Variants in PRR16 observed in about 807,000 individuals in gnomAD.
The protein encoded by PRR16 is protein Largen.
Under a neutral mutation model 18.2 loss-of-function variants are expected in PRR16, and 6 were observed. The ratio of observed to expected loss-of-function variants is 0.33; its 90% confidence interval spans 0.18 to 0.65. PRR16 has a LOEUF of 0.65. PRR16 is among the 30% of genes least tolerant of loss of function. The pLI is 0.74. For synonymous variants in PRR16, 151 were observed against 147.8 expected (o/e 1.02, Z -0.16); for missense variants, 412 against 376.6 (o/e 1.09, Z -0.78).
chr5:120,686,582 A>C lies in PRR16; in HGVS notation c.788A>C (p.Glu263Ala). 6.2e-7 allele frequency: 1 copy of C among 1,613,786 alleles called. No homozygotes were observed. Among genetic ancestry groups the C allele is most frequent in the South Asian group, 1.1e-5 (1 of 91,028 alleles). The change falls in exon 2 of 2, where the codon GAA becomes GCA. Residue 263 changes from glutamate (E) to alanine (A), a missense_variant. By Grantham distance (107) the Glu-to-Ala change is moderately radical. Coordinates refer to ENST00000407149, the MANE Select transcript of PRR16 (RefSeq NM_001300783.2). Reference protein sequence around the residue: ...PTPHLPPFPLENGGMGISHSN... With the variant: ...PTPHLPPFPLANGGMGISHSN... ...CCCCATCTCCCTCCTTTCCCACTAG[A>C]AAATGGGGGAATGGGAATAAGCCAC...
intron 1 of PRR16, among the ~76,000 whole-genome samples, chr5:120,681,837 T>TA (rs1756982463): frequency 6.6e-6 from 1 of 152,250 alleles, no homozygotes; most frequent in South Asian, 2.1e-4. Context: ...ACTCTATAAA[T>TA]ACTTGGTGTT....
At chr5:120,736,297 G>T in the PRR16 span, among the ~76,000 whole-genome samples, 2 of 152,028 alleles carry the variant, frequency 1.3e-5, no homozygotes, top group Non-Finnish European at 2.9e-5. Context: ...ATACGAAAAA[G>T]TCTGTCACCC....
chr5:120,598,778 G>A (rs1183980554), intron 1 of PRR16, among the ~76,000 whole-genome samples: 2 of 151,884 alleles, frequency 1.3e-5, no homozygotes, highest in Non-Finnish European at 2.9e-5. Context: ...CTTTATGGCT[G>A]TGTAGTATTC....
chr5:120,490,915 C>A (rs1750011532), intron 1 of PRR16, among the ~76,000 whole-genome samples: 1 of 152,120 alleles, frequency 6.6e-6, no homozygotes, highest in African/African-American at 2.4e-5. Flanking sequence ...TGCTGGAGGT[C>A]CACTCCAGAC....
chr5:120,733,318 T>C, the PRR16 span, among the ~76,000 whole-genome samples: 1 of 151,944 alleles, frequency 6.6e-6, no homozygotes, highest in African/African-American at 2.4e-5. Flanking sequence ...GCCCATTAAG[T>C]TTAAAATTTT....
chr5:120,518,317 GTA>G (rs369906645), intron 1 of PRR16, among the ~76,000 whole-genome samples: 2 of 151,426 alleles, frequency 1.3e-5, no homozygotes, highest in African/African-American at 4.8e-5. Flanking sequence ...TGTTTTAATT[GTA>G]TATATATATA....
chr5:120,603,407 G>T (rs1754049302), intron 1 of PRR16, among the ~76,000 whole-genome samples: 1 of 151,928 alleles, frequency 6.6e-6, no homozygotes. Context: ...TAGTGTTAAT[G>T]TCACCTTTGC....
At chr5:120,520,012 C>G (rs914222671) in intron 1 of PRR16, among the ~76,000 whole-genome samples, 4 of 151,946 alleles carry the variant, frequency 2.6e-5, no homozygotes, top group Non-Finnish European at 5.9e-5. Context: ...TCTTTAGATA[C>G]CATTAATCCT....
chr5:120,768,622 G>A, the PRR16 span, among the ~76,000 whole-genome samples: 5 of 151,284 alleles, frequency 3.3e-5, no homozygotes, highest in African/African-American at 1.2e-4. Context: ...TTATAAGAAG[G>A]AAATTACAAA....
chr5:120,742,531 C>G, the PRR16 span, among the ~76,000 whole-genome samples: 1 of 151,262 alleles, frequency 6.6e-6, no homozygotes, highest in African/African-American at 2.4e-5. Flanking sequence ...TAATTTTAAA[C>G]AAAAAATTCT....
intron 1 of PRR16, among the ~76,000 whole-genome samples, chr5:120,672,536 AT>A (rs879354916): frequency 1.1e-4 from 7 of 66,234 alleles, no homozygotes; most frequent in Non-Finnish European, 1.4e-4. Context: ...TGTTATAGAT[AT>A]ATATGTGTGT....
intron 1 of PRR16, among the ~76,000 whole-genome samples, chr5:120,548,990 C>A (rs1181992299): frequency 6.8e-6 from 1 of 146,160 alleles, no homozygotes; most frequent in Non-Finnish European, 1.5e-5. Context: ...CACACATGCA[C>A]ACTCATATAT....
At chr5:120,484,573 ATT>A (rs1356668189) in intron 1 of PRR16, among the ~76,000 whole-genome samples, 2 of 146,000 alleles carry the variant, frequency 1.4e-5, no homozygotes, top group African/African-American at 5.0e-5. Context: ...TATGAAATAT[ATT>A]CATTTATATA....
chr5:120,759,929 G>A, the PRR16 span, among the ~76,000 whole-genome samples: 1 of 152,022 alleles, frequency 6.6e-6, no homozygotes, highest in African/African-American at 2.4e-5. Flanking sequence ...TATGACAACA[G>A]AACCTAACTC....
chr5:120,731,231 A>G, the PRR16 span, among the ~76,000 whole-genome samples: 1 of 152,218 alleles, frequency 6.6e-6, no homozygotes, highest in African/African-American at 2.4e-5. Context: ...GTATTCAAAA[A>G]TCTATAGTAA....
intron 1 of PRR16, among the ~76,000 whole-genome samples, chr5:120,558,122 A>G (rs190563689): frequency 3.9e-5 from 6 of 152,008 alleles, no homozygotes; most frequent in African/African-American, 1.2e-4. Context: ...CTCCTAAAGC[A>G]TTTATCCTTT....
At chr5:120,542,772 A>C (rs1751955425) in intron 1 of PRR16, among the ~76,000 whole-genome samples, 1 of 152,142 alleles carries the variant, frequency 6.6e-6, no homozygotes, top group Admixed American at 6.6e-5. Flanking sequence ...GCTGGTACTG[A>C]AAATGTTCTT....
chr5:120,591,017 C>T (rs1215908870), intron 1 of PRR16, among the ~76,000 whole-genome samples: 7 of 151,988 alleles, frequency 4.6e-5, no homozygotes, highest in Non-Finnish European at 4.4e-5. Context: ...TGGTGTCTCA[C>T]GCCTGTAATC....
chr5:120,657,254 T>C (rs113370182), intron 1 of PRR16, among the ~76,000 whole-genome samples: 6 of 152,008 alleles, frequency 3.9e-5, no homozygotes, highest in African/African-American at 1.2e-4. Context: ...TTTAAACCAA[T>C]TGAGGATAAA....
Sources: gnomAD v4.1 joint callset for allele counts (sites outside exome capture counted in the v4.1 genomes callset) on GRCh38, gnomAD v4.1.1 for gene constraint, MANE v1.5 for transcripts, NCBI Gene and HGNC (gene_info 2026-07-23, HGNC 2026-07-21) for gene names.